The following PLCL2 variants were observed in gnomAD, a reference collection of about 807,000 sequenced individuals.
PLCL2 encodes the protein inactive phospholipase C-like protein 2.
PLCL2 carries 4 observed loss-of-function variants against 79.6 expected under a neutral mutation model. The ratio of observed to expected loss-of-function variants is 0.05; its 90% confidence interval spans 0.02 to 0.11. The LOEUF is 0.11. PLCL2 is among the 10% of genes least tolerant of loss of function. The pLI is 1.00. For synonymous variants in PLCL2, 484 were observed against 457.7 expected (o/e 1.06, Z -0.73); for missense variants, 895 against 1,291.0 (o/e 0.69, Z 4.70).
intron 1 of PLCL2, among the ~76,000 whole-genome samples, chr3:16,904,528 T>C (rs1299617559): frequency 6.6e-6 from 1 of 152,168 alleles, no homozygotes; most frequent in Non-Finnish European, 1.5e-5. Flanking sequence ...TTCAAGGCTT[T>C]GCCATCAACA....
At position 16,982,995 on chromosome 3, in the gene PLCL2, T is replaced by A. The variant is rs114170999; in HGVS notation, c.328-26679T>A. 6.8e-3 allele frequency among the ~76,000 whole-genome samples: 1,038 copies of A among 152,352 alleles called. 5 individuals are homozygous for A. The highest frequency in any genetic ancestry group is 0.021 in the African/African-American group (863 of 41,582). ...ACCATTAGTGGGCTTTTGTTTTGAA[T>A]TGTTTTTCCATGGCAATAGTATATT... On this transcript the variant is annotated intron_variant, in intron 1 of 5. Transcript: ENST00000615277.
intron 1 of PLCL2, among the ~76,000 whole-genome samples, chr3:16,931,426 C>T (rs191569131): frequency 6.6e-6 from 1 of 152,154 alleles, no homozygotes; most frequent in East Asian, 1.9e-4. Flanking sequence ...TCATTCTCTC[C>T]TCTCCCTTAG....
chr3:17,038,963 A>T (rs2064689804), intron 3 of PLCL2, among the ~76,000 whole-genome samples: 1 of 152,204 alleles, frequency 6.6e-6, no homozygotes, highest in Non-Finnish European at 1.5e-5. Context: ...CTATAATACC[A>T]GATTACCTTG....
intron 1 of PLCL2, among the ~76,000 whole-genome samples, chr3:16,909,103 C>T (rs975514159): frequency 6.6e-6 from 1 of 152,158 alleles, no homozygotes; most frequent in African/African-American, 2.4e-5. Flanking sequence ...ATGTTATCTG[C>T]CTGCTGCACA....
At chr3:17,073,018 C>T (rs1163698059) in intron 5 of PLCL2, among the ~76,000 whole-genome samples, 1 of 152,210 alleles carries the variant, frequency 6.6e-6, no homozygotes, top group African/African-American at 2.4e-5. Context: ...AATCCATTCC[C>T]ACAGGCCTCC....
intron 3 of PLCL2, chr3:17,035,776 C>T (rs17272796): frequency 0.58 from 295,788 of 513,422 alleles, 86,819 homozygotes; most frequent in African/African-American, 0.66. Context: ...TTCTCTAATA[C>T]GAGTTGAGGT....
chr3:16,914,310 G>C (rs1696945017), intron 1 of PLCL2, among the ~76,000 whole-genome samples: 1 of 152,120 alleles, frequency 6.6e-6, no homozygotes, highest in African/African-American at 2.4e-5. Context: ...AGGAATTAGG[G>C]AGCAACATAT....
chr3:16,923,502 A>G (rs1350980878), intron 1 of PLCL2, among the ~76,000 whole-genome samples: 2 of 152,162 alleles, frequency 1.3e-5, no homozygotes, highest in African/African-American at 4.8e-5. Flanking sequence ...CCACCTCTCA[A>G]TGGACTTTTA....
At chr3:16,949,525 C>T (rs1056219169) in intron 1 of PLCL2, among the ~76,000 whole-genome samples, 1 of 151,876 alleles carries the variant, frequency 6.6e-6, no homozygotes, top group African/African-American at 2.4e-5. Context: ...GGATATTAGT[C>T]TTCTGTCTCA....
chr3:17,051,778 A>G (rs944749394), intron 4 of PLCL2, among the ~76,000 whole-genome samples: 5 of 152,190 alleles, frequency 3.3e-5, no homozygotes, highest in Admixed American at 6.6e-5. Flanking sequence ...AGCTTCTTCT[A>G]TATTAGTTTC....
At chr3:17,038,170 A>G (rs2064677579) in intron 3 of PLCL2, among the ~76,000 whole-genome samples, 1 of 152,242 alleles carries the variant, frequency 6.6e-6, no homozygotes, top group South Asian at 2.1e-4. Flanking sequence ...ATAGATTTCT[A>G]GGCTATGTTA....
chr3:17,038,961 C>T (rs534788629), intron 3 of PLCL2, among the ~76,000 whole-genome samples: 2 of 152,240 alleles, frequency 1.3e-5, no homozygotes, highest in East Asian at 1.9e-4. Context: ...GCCTATAATA[C>T]CAGATTACCT....
intron 1 of PLCL2, among the ~76,000 whole-genome samples, chr3:16,996,345 C>A (rs2064152660): frequency 6.6e-6 from 1 of 152,042 alleles, no homozygotes; most frequent in Non-Finnish European, 1.5e-5. Context: ...GACTCAGGGC[C>A]TTCCTACCCA....
chr3:17,033,810 G>A (rs1384310775), intron 3 of PLCL2, among the ~76,000 whole-genome samples: 5 of 152,142 alleles, frequency 3.3e-5, no homozygotes, highest in African/African-American at 9.7e-5. Flanking sequence ...GTTTATTGTA[G>A]TATTTTTTCA....
At chr3:16,953,830 AATAC>A (rs2063675143) in intron 1 of PLCL2, among the ~76,000 whole-genome samples, 1 of 152,132 alleles carries the variant, frequency 6.6e-6, no homozygotes, top group Admixed American at 6.5e-5. Flanking sequence ...TAGACATAGA[AATAC>A]GTTTTAAGAG....
chr3:16,910,183 CA>C (rs145046231), intron 1 of PLCL2, among the ~76,000 whole-genome samples: 76 of 152,300 alleles, frequency 5.0e-4, no homozygotes, highest in African/African-American at 1.7e-3. Flanking sequence ...CTGGCTACTG[CA>C]CAATTTCTTT....
intron 1 of PLCL2, among the ~76,000 whole-genome samples, chr3:16,906,118 A>G (rs1241574814): frequency 6.6e-6 from 1 of 152,134 alleles, no homozygotes; most frequent in Non-Finnish European, 1.5e-5. Flanking sequence ...AGATCTGTTA[A>G]TATTATATAT....
intron 1 of PLCL2, among the ~76,000 whole-genome samples, chr3:16,966,987 A>T (rs566767877): frequency 1.3e-4 from 20 of 152,034 alleles, no homozygotes; most frequent in Middle Eastern, 3.4e-3. Context: ...TCTGTACTCA[A>T]TGTTTAGCTC....
At chr3:17,007,189 C>G (rs568752950) in intron 1 of PLCL2, among the ~76,000 whole-genome samples, 36 of 152,204 alleles carry the variant, frequency 2.4e-4, no homozygotes, top group Admixed American at 6.5e-4. Context: ...CGTGGTGGCT[C>G]ACACCTGTAA....
Sources: allele counts gnomAD v4.1 joint callset (sites outside exome capture counted in the v4.1 genomes callset), GRCh38; gene constraint gnomAD v4.1.1; transcripts MANE v1.5; gene names NCBI Gene and HGNC (gene_info 2026-07-23, HGNC 2026-07-21).